Variants in ARHGAP32 observed in about 807,000 individuals in gnomAD.
ARHGAP32 encodes rho GTPase-activating protein 32.
A neutral mutation model predicts 186.5 loss-of-function variants in ARHGAP32; 51 were observed. The ratio of observed to expected loss-of-function variants is 0.27; its 90% confidence interval spans 0.22 to 0.35. The LOEUF is 0.35. ARHGAP32 is among the 10% of genes least tolerant of loss of function. ARHGAP32 has a pLI of 1.00. For synonymous variants in ARHGAP32, 950 were observed against 964.3 expected (o/e 0.99, Z 0.27); for missense variants, 2,186 against 2,623.5 (o/e 0.83, Z 3.64).
intron 1 of ARHGAP32, among the ~76,000 whole-genome samples, chr11:129,277,164 G>A (rs1345199150): frequency 1.3e-5 from 2 of 152,148 alleles, no homozygotes; most frequent in African/African-American, 4.8e-5. Flanking sequence ...GTCAGCTTGG[G>A]AAGGAAAACA....
intron 1 of ARHGAP32, among the ~76,000 whole-genome samples, chr11:129,254,940 T>C (rs941237684): frequency 1.2e-4 from 19 of 152,148 alleles, no homozygotes; most frequent in African/African-American, 4.6e-4. Flanking sequence ...GCTAGAAGTC[T>C]AGCTAGGTTC....
Position 129,168,992 on chromosome 11 carries a change from G to A in ARHGAP32, c.117-4565C>T, listed in dbSNP as rs1298933894. On this transcript the variant is annotated intron_variant, in intron 1 of 22. Coordinates refer to ENST00000682385, the MANE Select transcript of ARHGAP32 (RefSeq NM_001378024.1). ...TAATGAAAATACAATAGATGAAAAT[G>A]TGTGGGATACAACTAAAGAGGTATT... 2.0e-5 allele frequency among the ~76,000 whole-genome samples: 3 copies of A among 152,136 alleles called. No homozygotes were observed. In the East Asian group the frequency reaches 5.8e-4, roughly 29 times the overall value.
chr11:129,241,707 T>G (rs1252790230), intron 1 of ARHGAP32, among the ~76,000 whole-genome samples: 1 of 152,114 alleles, frequency 6.6e-6, no homozygotes, highest in East Asian at 1.9e-4. Flanking sequence ...AAACAAAGTC[T>G]ATGTAACAAG....
At chr11:129,149,506 C>T (rs950674291) in intron 2 of ARHGAP32, among the ~76,000 whole-genome samples, 3 of 152,184 alleles carry the variant, frequency 2.0e-5, no homozygotes, top group Admixed American at 6.5e-5. Context: ...CCTGGTAGTC[C>T]TGCTGGGTGG....
chr11:129,146,976 G>A (rs1260099872), intron 2 of ARHGAP32, among the ~76,000 whole-genome samples: 1 of 151,924 alleles, frequency 6.6e-6, no homozygotes, highest in Admixed American at 6.6e-5. Context: ...TGAGAAAAAA[G>A]GGTCCCTAAC....
chr11:128,970,083 C>T lies in ARHGAP32; in HGVS notation c.5130G>A (p.Leu1710=). The T allele has an allele frequency of 4.3e-6, 7 of 1,614,144 alleles. No homozygotes were observed. Among genetic ancestry groups the T allele is most frequent in the Non-Finnish European group, 5.9e-6 (7 of 1,180,046 alleles). The change falls in exon 23 of 23, where the codon CTG becomes CTA. Residue 1710 remains leucine (L), a synonymous_variant. Coordinates refer to ENST00000682385, the MANE Select transcript of ARHGAP32 (RefSeq NM_001378024.1). The surrounding 1 kb of genome is among the most constrained non-coding windows in gnomAD (Gnocchi z 5.8). ...NRDFAFYNPR[L]QGKSLYSYAG... is the part of the protein sequence containing the mutation. ...CATAACTGTACAAGCTCTTTCCTTG[C>T]AGCCTAGGATTGTAGAAAGCAAAGT...
intron 5 of ARHGAP32, among the ~76,000 whole-genome samples, chr11:129,106,443 T>C (rs1474376045): frequency 6.6e-6 from 1 of 151,964 alleles, no homozygotes; most frequent in Non-Finnish European, 1.5e-5. Context: ...ATACCAGACG[T>C]TCTCACTCAT....
At chr11:129,129,084 G>A (rs1316804065) in intron 2 of ARHGAP32, among the ~76,000 whole-genome samples, 27 of 151,066 alleles carry the variant, frequency 1.8e-4, no homozygotes, top group Admixed American at 1.4e-3. Flanking sequence ...CCGCCGCCCC[G>A]TCTGGGATGT....
chr11:129,125,908 A>G (rs762069426), intron 2 of ARHGAP32: 7 of 443,012 alleles, frequency 1.6e-5, no homozygotes, highest in South Asian at 1.1e-4. Context: ...AAAACAGAGT[A>G]TTACTAGATT....
chr11:129,046,480 AG>A (rs1939811418), intron 10 of ARHGAP32, among the ~76,000 whole-genome samples: 1 of 152,156 alleles, frequency 6.6e-6, no homozygotes. Flanking sequence ...ATCAGTTTCT[AG>A]TAGCTTAGCA....
intron 5 of ARHGAP32, among the ~76,000 whole-genome samples, chr11:129,103,396 G>A (rs1211362903): frequency 2.9e-5 from 4 of 139,914 alleles, no homozygotes; most frequent in Non-Finnish European, 6.2e-5. Flanking sequence ...TAACAATACA[G>A]TTCAGCTCCC....
rs1304376222 is a variant in ARHGAP32, at chr11:128,971,028, G to A, written c.4185C>T (p.Gly1395=). Residue 1395 remains glycine (G), a synonymous_variant, in exon 23 of 23, where the codon GGC becomes GGT. Coordinates refer to ENST00000682385, the MANE Select transcript of ARHGAP32 (RefSeq NM_001378024.1). ...QCPMATAVQP[G]LPEKVRDGAR... is the part of the protein sequence containing the mutation. ...CACCGTCCCGCACTTTCTCAGGCAGGCCTGGCTGGACAGCTGTAGCCATGG... is the reference window on the plus strand; with the variant it reads ...CACCGTCCCGCACTTTCTCAGGCAGACCTGGCTGGACAGCTGTAGCCATGG... 1 of 1,613,960 alleles carries A rather than the reference G, an allele frequency of 6.2e-7. No individual in the cohort carries two copies. The highest frequency in any genetic ancestry group is 1.6e-4 in the Middle Eastern group (1 of 6,062).
At chr11:129,152,267 C>T (rs1055177187) in intron 2 of ARHGAP32, among the ~76,000 whole-genome samples, 4 of 152,104 alleles carry the variant, frequency 2.6e-5, no homozygotes, top group African/African-American at 9.7e-5. Context: ...AAAAGAAGTA[C>T]AGGACCAGAT....
At chr11:129,155,416 T>C (rs1943379584) in intron 2 of ARHGAP32, among the ~76,000 whole-genome samples, 1 of 152,218 alleles carries the variant, frequency 6.6e-6, no homozygotes, top group African/African-American at 2.4e-5. Context: ...ATTGTGTTTA[T>C]CATACAATGA....
At chr11:129,156,149 A>C (rs559515789) in intron 2 of ARHGAP32, among the ~76,000 whole-genome samples, 2 of 152,362 alleles carry the variant, frequency 1.3e-5, no homozygotes, top group East Asian at 3.9e-4. Flanking sequence ...GGTTTCAAGC[A>C]CAAAATTGGG....
chr11:129,276,039 G>A (rs1591392898), intron 1 of ARHGAP32, among the ~76,000 whole-genome samples: 1 of 152,226 alleles, frequency 6.6e-6, no homozygotes, highest in Admixed American at 6.5e-5. Flanking sequence ...CTGCTCAGGA[G>A]GGCAACGCAG....
chr11:129,161,697 G>A (rs1053896768), intron 2 of ARHGAP32, among the ~76,000 whole-genome samples: 7 of 152,198 alleles, frequency 4.6e-5, no homozygotes, highest in Non-Finnish European at 7.3e-5. Context: ...CACTGTTGGT[G>A]GGAGTGTAAA....
At chr11:129,256,902 T>C (rs1945262191) in intron 1 of ARHGAP32, among the ~76,000 whole-genome samples, 2 of 152,140 alleles carry the variant, frequency 1.3e-5, no homozygotes, top group Non-Finnish European at 2.9e-5. Context: ...GCGAATCTCT[T>C]AGCCTTTCCC....
At chr11:129,206,708 T>C (rs1190347545) in intron 1 of ARHGAP32, among the ~76,000 whole-genome samples, 1 of 152,112 alleles carries the variant, frequency 6.6e-6, no homozygotes, top group Non-Finnish European at 1.5e-5. Flanking sequence ...TCAGTAGTGT[T>C]GTTCTATGGG....
Sources: gnomAD v4.1 joint callset for allele counts (sites outside exome capture counted in the v4.1 genomes callset) on GRCh38, gnomAD v4.1.1 for gene constraint, Gnocchi (gnomAD v3.1) non-coding constraint, MANE v1.5 for transcripts, NCBI Gene and HGNC (gene_info 2026-07-23, HGNC 2026-07-21) for gene names.